The following SUSD4 variants were observed in gnomAD, a reference collection of about 807,000 sequenced individuals.
The protein encoded by SUSD4 is sushi domain containing 4.
Under a neutral mutation model 50.5 loss-of-function variants are expected in SUSD4, and 41 were observed. That is an observed-to-expected ratio of 0.81 (90% CI 0.63 to 1.05). SUSD4 has a LOEUF of 1.05. Among genes scored for constraint, SUSD4 ranks in the 50% least tolerant of loss-of-function variants. The pLI is 0.00. For missense variants in SUSD4, 580 were observed against 634.7 expected, an observed-to-expected ratio of 0.91 and a Z score of 0.93; for synonymous variants, 257 against 257.3, an observed-to-expected ratio of 1.00 and a Z score of 0.01.
At chr1:223,328,428 G>A (rs1483638320) in intron 2 of SUSD4, among the ~76,000 whole-genome samples, 2 of 152,200 alleles carry the variant, frequency 1.3e-5, no homozygotes, top group African/African-American at 4.8e-5. Flanking sequence ...AGGGTTGCCT[G>A]AATTGCTCTG....
At chr1:223,289,396 T>G in intron 3 of SUSD4, 1 of 724,256 alleles carries the variant, frequency 1.4e-6, no homozygotes, top group Middle Eastern at 7.1e-4. Flanking sequence ...GCAAGTTGAA[T>G]TGGAATAAGG....
intron 5 of SUSD4, chr1:223,263,732 C>G: frequency 1.0e-6 from 1 of 985,434 alleles, no homozygotes; most frequent in Non-Finnish European, 1.2e-6. Context: ...CACGTCCTAC[C>G]CTGACTTCCT....
chr1:223,231,032 G>A lies in SUSD4; in HGVS notation c.725-1644C>T, dbSNP rs1659860928. Among the ~76,000 whole-genome samples the A allele has an allele frequency of 1.3e-5, 2 of 152,184 alleles. No homozygotes were observed. The highest frequency in any genetic ancestry group is 2.9e-5 in the Non-Finnish European group (2 of 68,036). ...AGCAGGAACACCCCAAGATTAGTGA[G>A]AGCAGGAAGCCACTACCGCTCCTGG... On this transcript the variant is annotated intron_variant, in intron 5 of 8. Coordinates refer to ENST00000366878, the MANE Select transcript of SUSD4 (RefSeq NM_017982.4). This position sits in a 1 kb window ranked among gnomAD's most constrained non-coding sequence, Gnocchi z 4.2.
chr1:223,279,518 G>A (rs1180272068), intron 3 of SUSD4, among the ~76,000 whole-genome samples: 1 of 152,166 alleles, frequency 6.6e-6, no homozygotes, highest in African/African-American at 2.4e-5. Context: ...GAGAAGTTTA[G>A]AAAAAGTTAG....
intron 5 of SUSD4, among the ~76,000 whole-genome samples, chr1:223,253,684 C>A (rs1278780959): frequency 6.6e-6 from 1 of 152,120 alleles, no homozygotes; most frequent in African/African-American, 2.4e-5. Flanking sequence ...CACCTGACTG[C>A]AAGAGGTTTT....
chr1:223,350,004 G>C (rs371729230), intron 2 of SUSD4, among the ~76,000 whole-genome samples: 1 of 151,958 alleles, frequency 6.6e-6, no homozygotes, highest in South Asian at 2.1e-4. Context: ...GCTCTCTCCC[G>C]TCCCCACCCC....
intron 5 of SUSD4, among the ~76,000 whole-genome samples, chr1:223,240,557 T>A (rs963997944): frequency 1.3e-5 from 2 of 152,214 alleles, no homozygotes; most frequent in African/African-American, 4.8e-5. Context: ...GATTCTTTAC[T>A]CAGCCATGTC....
Position 223,292,602 on chromosome 1 carries a change from G to A in SUSD4, c.198C>T (p.Gly66=), listed in dbSNP as rs765957596. Residue 66 remains glycine, a synonymous_variant, in exon 3 of 9, where the codon GGC becomes GGT. Coordinates refer to ENST00000366878, the MANE Select transcript of SUSD4 (RefSeq NM_017982.4). ...VCADPGIPEN[G]FRTPSGGVFF... ...AAACCCCTCCGCTGGGGGTCCTGAA[G>A]CCATTCTCGGGAATGCCGGGGTCAG... The A allele has an allele frequency of 6.2e-7, 1 of 1,614,120 alleles. No homozygotes were observed. Among genetic ancestry groups the A allele is most frequent in the Admixed American group, 1.7e-5 (1 of 60,014 alleles).
At chr1:223,284,521 G>C (rs1250886058) in intron 3 of SUSD4, among the ~76,000 whole-genome samples, 1 of 152,160 alleles carries the variant, frequency 6.6e-6, no homozygotes, top group Non-Finnish European at 1.5e-5. Flanking sequence ...TAGGGTTGCT[G>C]TAGTAATTAA....
Position 223,346,424 on chromosome 1 carries a change from C to T in SUSD4, c.148+16854G>A, listed in dbSNP as rs887615211. ...ACCACATTTGGGCTAGGGTTCAAGG[C>T]GTACTGCAGAAAGAAGGTCAAAGAG... On this transcript the variant is annotated intron_variant, in intron 2 of 8. Coordinates refer to ENST00000366878, the MANE Select transcript of SUSD4 (RefSeq NM_017982.4). 1.7e-4 allele frequency among the ~76,000 whole-genome samples: 26 copies of T among 152,136 alleles called. 1 individual carries two copies. The highest frequency in any genetic ancestry group is 1.6e-3 in the Admixed American group (25 of 15,276).
chr1:223,327,748 A>G (rs1042317948), intron 2 of SUSD4, among the ~76,000 whole-genome samples: 11 of 152,210 alleles, frequency 7.2e-5, no homozygotes, highest in South Asian at 4.1e-4. Context: ...TGAGCAAAGC[A>G]TCTCCTCACC....
rs1659162299 is a variant in SUSD4 at position 223,221,985 on chromosome 1, TG to T, written c.*206del. The T allele has an allele frequency of 1.8e-6, 1 of 549,876 alleles. No individual in the cohort carries two copies. The highest frequency in any genetic ancestry group is 3.2e-6 in the Non-Finnish European group (1 of 314,374). 34.1% of individuals were successfully genotyped at this position (549,876 alleles called of 1,614,324 possible). On this transcript the variant is annotated 3_prime_UTR_variant, in exon 9 of 9. Coordinates refer to ENST00000366878, the MANE Select transcript of SUSD4 (RefSeq NM_017982.4). ...TGCTGCCCCGGTTCCCCATGGGTCT[TG>T]GTGAATCCTCAAATCTCATTTAAAA...
intron 3 of SUSD4, among the ~76,000 whole-genome samples, chr1:223,290,018 A>T (rs1005467954): frequency 1.3e-5 from 2 of 152,234 alleles, no homozygotes; most frequent in Admixed American, 1.3e-4. Flanking sequence ...CATCTTATAG[A>T]ATTGTTGTGC....
At chr1:223,309,986 G>A (rs1025978663) in intron 2 of SUSD4, among the ~76,000 whole-genome samples, 14 of 152,188 alleles carry the variant, frequency 9.2e-5, no homozygotes, top group Non-Finnish European at 1.8e-4. Context: ...ACAGGACCAC[G>A]GCGTGCCTGG....
intron 1 of SUSD4, 92 bp from the exon 2 acceptor site, chr1:223,363,552 G>C: frequency 7.5e-7 from 1 of 1,329,466 alleles, no homozygotes; most frequent in Non-Finnish European, 9.9e-7. Flanking sequence ...CGGCGCCTCG[G>C]CTTCCCAGGC....
chr1:223,351,299 G>T (rs1668352470), intron 2 of SUSD4, among the ~76,000 whole-genome samples: 1 of 152,232 alleles, frequency 6.6e-6, no homozygotes, highest in African/African-American at 2.4e-5. Context: ...GGATATGAGG[G>T]AGCACAACAT....
intron 5 of SUSD4, among the ~76,000 whole-genome samples, chr1:223,249,990 A>C (rs1661193280): frequency 6.6e-6 from 1 of 152,052 alleles, no homozygotes; most frequent in Non-Finnish European, 1.5e-5. Flanking sequence ...TTAATGAGAG[A>C]CTCTAGAGAG....
intron 2 of SUSD4, among the ~76,000 whole-genome samples, chr1:223,303,614 C>T (rs531774632): frequency 2.0e-5 from 3 of 152,056 alleles, no homozygotes; most frequent in Non-Finnish European, 2.9e-5. Flanking sequence ...ATCGGCAGGT[C>T]GAGAAATAAT....
At chr1:223,336,948 C>G (rs886722777) in intron 2 of SUSD4, among the ~76,000 whole-genome samples, 3 of 152,132 alleles carry the variant, frequency 2.0e-5, no homozygotes, top group African/African-American at 7.2e-5. Context: ...CTGGTGAGAG[C>G]TGGCCACTAA....
Sources: allele counts gnomAD v4.1 joint callset (sites outside exome capture counted in the v4.1 genomes callset), GRCh38; gene constraint gnomAD v4.1.1; non-coding constraint Gnocchi (gnomAD v3.1); transcripts MANE v1.5; gene names NCBI Gene and HGNC (gene_info 2026-07-23, HGNC 2026-07-21).